MAP3K20: variants seen among roughly 807,000 people sequenced by gnomAD.
The protein encoded by MAP3K20 is mitogen-activated protein kinase kinase kinase 20.
A neutral mutation model predicts 85.7 loss-of-function variants in MAP3K20; 40 were observed. That is an observed-to-expected ratio of 0.47 (90% CI 0.36 to 0.61). MAP3K20 has a LOEUF of 0.61. Among genes scored for constraint, MAP3K20 ranks in the 20% least tolerant of loss-of-function variants. The pLI is 0.00. For missense variants in MAP3K20, 817 were observed against 961.7 expected (o/e 0.85, Z 1.99); for synonymous variants, 325 against 327.7 (o/e 0.99, Z 0.09).
At chr2:173,221,626 G>A (rs1411924046) in intron 11 of MAP3K20, 1 of 1,351,100 alleles carries the variant, frequency 7.4e-7, no homozygotes, top group African/African-American at 1.5e-5. Context: ...GAGGCAGAAA[G>A]CCAAGCACTG....
At chr2:173,130,304 G>A (rs1462030881) in intron 2 of MAP3K20, among the ~76,000 whole-genome samples, 3 of 152,044 alleles carry the variant, frequency 2.0e-5, no homozygotes, top group African/African-American at 4.8e-5. Flanking sequence ...TTACTGACAT[G>A]GAAAAATGTC....
chr2:173,203,969 A>T, intron 9 of MAP3K20, 99 bp downstream of exon 9: 2 of 1,121,654 alleles, frequency 1.8e-6, no homozygotes, highest in East Asian at 2.4e-5. Context: ...ATTACAAAGC[A>T]AAGCTGGATT....
At chr2:173,235,803 A>C (rs1005243883) in intron 14 of MAP3K20, among the ~76,000 whole-genome samples, 1 of 152,230 alleles carries the variant, frequency 6.6e-6, no homozygotes, top group African/African-American at 2.4e-5. Context: ...CCTGCCCAAG[A>C]GTAGTCTTCT....
chr2:173,171,244 C>CT (rs1470553460), intron 3 of MAP3K20, among the ~76,000 whole-genome samples: 1 of 152,096 alleles, frequency 6.6e-6, no homozygotes, highest in Non-Finnish European at 1.5e-5. Flanking sequence ...CATGTGGCTC[C>CT]TTTTTTCCGT....
At chr2:173,076,571 T>C (rs956189433) in intron 1 of MAP3K20, among the ~76,000 whole-genome samples, 1 of 152,274 alleles carries the variant, frequency 6.6e-6, no homozygotes, top group Non-Finnish European at 1.5e-5. Context: ...TTTTCCTTCA[T>C]TCTGTTTTCC....
At chr2:173,224,631 C>T (rs1684336852) in intron 11 of MAP3K20, 4 of 985,126 alleles carry the variant, frequency 4.1e-6, no homozygotes, top group Non-Finnish European at 4.8e-6. Flanking sequence ...CAGTGAAGAG[C>T]TTAAAATTGT....
At chr2:173,167,414 T>C (rs1305064779) in intron 2 of MAP3K20, among the ~76,000 whole-genome samples, 1 of 152,160 alleles carries the variant, frequency 6.6e-6, no homozygotes, top group Non-Finnish European at 1.5e-5. Context: ...TACAAACATA[T>C]CACTTACTTA....
chr2:173,083,421 A>G (rs1349795143), intron 1 of MAP3K20, among the ~76,000 whole-genome samples: 2 of 151,896 alleles, frequency 1.3e-5, no homozygotes, highest in Non-Finnish European at 2.9e-5. Flanking sequence ...TGGCGTAATC[A>G]TAGCTCACTG....
At chr2:173,230,977 C>T (rs1444433175) in intron 12 of MAP3K20, among the ~76,000 whole-genome samples, 1 of 152,036 alleles carries the variant, frequency 6.6e-6, no homozygotes, top group Non-Finnish European at 1.5e-5. Context: ...GCCTGGGCAA[C>T]AGAGCAAGGC....
At chr2:173,138,077 C>T (rs931181644) in intron 2 of MAP3K20, among the ~76,000 whole-genome samples, 5 of 152,198 alleles carry the variant, frequency 3.3e-5, no homozygotes, top group Middle Eastern at 3.4e-3. Flanking sequence ...AAGCAATTCT[C>T]CTGCCTCAGC....
chr2:173,186,386 G>C (rs1402012500), intron 4 of MAP3K20, among the ~76,000 whole-genome samples: 2 of 152,086 alleles, frequency 1.3e-5, no homozygotes, highest in Non-Finnish European at 2.9e-5. Context: ...CTTATCAGAA[G>C]AGAAATTTCC....
chr2:173,077,508 T>G lies in MAP3K20; in HGVS notation c.-35+1506T>G, dbSNP rs150624543. 4.6e-5 allele frequency among the ~76,000 whole-genome samples: 7 copies of G among 152,264 alleles called. No homozygotes were observed. In the East Asian group the frequency reaches 1.3e-3, roughly 29 times the overall value. On this transcript the variant is annotated intron_variant, in intron 1 of 19. Coordinates refer to ENST00000375213, the MANE Select transcript of MAP3K20 (RefSeq NM_016653.3). ...AGATTGTAAATGAATACGAATTTAG[T>G]TTGGGAAAACAGAATTAAGATAAAG... is the stretch of plus-strand genomic sequence containing the variant.
At chr2:173,080,084 A>G (rs938002213) in intron 1 of MAP3K20, among the ~76,000 whole-genome samples, 8 of 152,196 alleles carry the variant, frequency 5.3e-5, no homozygotes, top group African/African-American at 1.4e-4. Context: ...CACATGAGTA[A>G]TGCATTGTGC....
chr2:173,165,200 G>A (rs186270691), intron 2 of MAP3K20, among the ~76,000 whole-genome samples: 166 of 152,130 alleles, frequency 1.1e-3, no homozygotes, highest in African/African-American at 3.8e-3. Context: ...TCTGAGATCA[G>A]GAGTTCGAGA....
chr2:173,210,922 T>C (rs1049967656), intron 10 of MAP3K20: 1 of 152,250 alleles, frequency 6.6e-6, no homozygotes, highest in Non-Finnish European at 1.5e-5. Flanking sequence ...AAATATCTTA[T>C]CTAGGGCTAG....
intron 2 of MAP3K20, among the ~76,000 whole-genome samples, chr2:173,154,296 G>T (rs1037943163): frequency 5.3e-5 from 8 of 152,092 alleles, no homozygotes; most frequent in African/African-American, 1.4e-4. Context: ...CAATTCTCTT[G>T]CCTCAGCCTC....
chr2:173,213,442 A>C (rs1683974084), intron 10 of MAP3K20, among the ~76,000 whole-genome samples: 1 of 152,250 alleles, frequency 6.6e-6, no homozygotes, highest in Non-Finnish European at 1.5e-5. Flanking sequence ...TTTTCACTGA[A>C]GCAGGCAATT....
intron 11 of MAP3K20, among the ~76,000 whole-genome samples, chr2:173,217,650 C>CA (rs1487770836): frequency 6.6e-6 from 1 of 152,206 alleles, no homozygotes; most frequent in African/African-American, 2.4e-5. Flanking sequence ...CACTGACTAA[C>CA]AGAGTCTTTG....
intron 2 of MAP3K20, among the ~76,000 whole-genome samples, chr2:173,141,783 T>G (rs76031543): frequency 0.019 from 2,857 of 152,180 alleles, 42 homozygotes; most frequent in Non-Finnish European, 0.032. Context: ...CACATCATAG[T>G]TAAACTGCTA....
Sources: allele counts gnomAD v4.1 joint callset (sites outside exome capture counted in the v4.1 genomes callset), GRCh38; gene constraint gnomAD v4.1.1; transcripts MANE v1.5; gene names NCBI Gene and HGNC (gene_info 2026-07-23, HGNC 2026-07-21).